Variants in RNLS observed in about 807,000 individuals in gnomAD.
The protein encoded by RNLS is renalase, FAD dependent amine oxidase, also known as renalase.
Under a neutral mutation model 39.8 loss-of-function variants are expected in RNLS, and 39 were observed. The observed-to-expected ratio is 0.98, with a 90% CI of 0.76 to 1.28. RNLS has a LOEUF of 1.28. RNLS is among the 50% of genes most tolerant of loss of function. The probability of loss-of-function intolerance (pLI) is 0.00; values close to 1 mark genes in which losing one functional copy is unlikely to be tolerated. For synonymous variants in RNLS, 147 were observed against 150.7 expected (o/e 0.98, Z 0.18); for missense variants, 410 against 413.3 (o/e 0.99, Z 0.07).
the RNLS span, among the ~76,000 whole-genome samples, chr10:88,226,198 A>G: frequency 6.6e-6 from 1 of 152,248 alleles, no homozygotes; most frequent in Non-Finnish European, 1.5e-5. Flanking sequence ...ATTCAGCCCA[A>G]TGTCAAAGAC....
intron 4 of RNLS, among the ~76,000 whole-genome samples, chr10:88,509,652 A>G (rs1845994019): frequency 1.3e-5 from 2 of 151,946 alleles, no homozygotes; most frequent in African/African-American, 4.8e-5. Context: ...AAAGATTAGG[A>G]GACAACTCAA....
At chr10:88,446,227 C>T in intron 4 of RNLS, among the ~76,000 whole-genome samples, 1 of 152,102 alleles carries the variant, frequency 6.6e-6, no homozygotes, top group Non-Finnish European at 1.5e-5. Context: ...GGCTACATAA[C>T]AAAATGAAGG....
At position 88,456,158 on chromosome 10, in the gene RNLS, G is replaced by A. The variant is rs1842617297; in HGVS notation, c.527-93433C>T. Reference sequence around the variant, plus strand: ...TTAGGAATGGTTATTTCCATGCAATGTCTCCCCATGCTGGGCACTAAAACT... The same window carrying A: ...TTAGGAATGGTTATTTCCATGCAATATCTCCCCATGCTGGGCACTAAAACT... On this transcript the variant is annotated intron_variant, in intron 4 of 6. Transcript: ENST00000331772. Among the ~76,000 whole-genome samples the A allele has an allele frequency of 2.0e-5, 3 of 152,098 alleles. No individual in the cohort carries two copies. In the South Asian group the frequency reaches 6.2e-4, roughly 31 times the overall value.
intron 4 of RNLS, among the ~76,000 whole-genome samples, chr10:88,536,323 T>C (rs1847754218): frequency 6.6e-6 from 1 of 152,190 alleles, no homozygotes; most frequent in Non-Finnish European, 1.5e-5. Context: ...CCGTCAATTC[T>C]CAGCCCACTT....
At chr10:88,332,861 A>G (rs1040397747) in intron 5 of RNLS, among the ~76,000 whole-genome samples, 3 of 152,150 alleles carry the variant, frequency 2.0e-5, no homozygotes, top group Non-Finnish European at 2.9e-5. Context: ...GGAAACTATG[A>G]TGTACCATTT....
chr10:88,246,013 G>A, the RNLS span, among the ~76,000 whole-genome samples: 1 of 152,156 alleles, frequency 6.6e-6, no homozygotes, highest in African/African-American at 2.4e-5. Flanking sequence ...CTTTGTTTTG[G>A]CTAGAATTGC....
At chr10:88,251,086 CA>C in the RNLS span, among the ~76,000 whole-genome samples, 1 of 152,146 alleles carries the variant, frequency 6.6e-6, no homozygotes, top group Non-Finnish European at 1.5e-5. Context: ...CTTGCATATT[CA>C]GAGGGAATAC....
intron 4 of RNLS, among the ~76,000 whole-genome samples, chr10:88,427,318 C>G (rs1024847818): frequency 4.6e-5 from 7 of 151,922 alleles, no homozygotes; most frequent in Admixed American, 3.3e-4. Flanking sequence ...AGGGGTAAGT[C>G]TATATTTCTT....
chr10:88,318,631 C>T (rs773471357), intron 5 of RNLS, among the ~76,000 whole-genome samples: 5 of 152,234 alleles, frequency 3.3e-5, no homozygotes, highest in Non-Finnish European at 5.9e-5. Context: ...AGACAAGCCA[C>T]AGAGTTGTCT....
chr10:88,405,706 A>G (rs1853221631), intron 4 of RNLS, among the ~76,000 whole-genome samples: 1 of 152,018 alleles, frequency 6.6e-6, no homozygotes, highest in African/African-American at 2.4e-5. Flanking sequence ...CAATGTTAGT[A>G]TTGAAATGTG....
intron 4 of RNLS, among the ~76,000 whole-genome samples, chr10:88,527,292 AC>A (rs1847163852): frequency 6.6e-6 from 1 of 152,134 alleles, no homozygotes; most frequent in South Asian, 2.1e-4. Flanking sequence ...TCTCTGAGAA[AC>A]TGGCCTGTTT....
chr10:88,451,896 G>A (rs10509546), intron 4 of RNLS, among the ~76,000 whole-genome samples: 11,150 of 152,274 alleles, frequency 0.073, 572 homozygotes, highest in Admixed American at 0.14. Flanking sequence ...TAGTACAGTA[G>A]AAAGAACTTG....
chr10:88,335,582 A>T (rs11202723), intron 5 of RNLS, among the ~76,000 whole-genome samples: 69,440 of 152,058 alleles, frequency 0.46, 16,417 homozygotes, highest in South Asian at 0.61. Context: ...AAATTTTATA[A>T]TCCTCACTTA....
chr10:88,351,211 T>C (rs1011815693), intron 5 of RNLS, among the ~76,000 whole-genome samples: 3 of 152,246 alleles, frequency 2.0e-5, no homozygotes, highest in African/African-American at 7.2e-5. Flanking sequence ...TTTCTTTTGC[T>C]GTGCAGAAGC....
intron 4 of RNLS, among the ~76,000 whole-genome samples, chr10:88,515,621 C>G (rs570003512): frequency 6.6e-6 from 1 of 152,196 alleles, no homozygotes; most frequent in East Asian, 1.9e-4. Context: ...TAATTAGCTA[C>G]TTCCCTGCTT....
intron 4 of RNLS, among the ~76,000 whole-genome samples, chr10:88,426,341 GTCA>G (rs1484097768): frequency 6.6e-5 from 10 of 152,044 alleles, no homozygotes; most frequent in Non-Finnish European, 1.3e-4. Context: ...CAAGGAGGGA[GTCA>G]TCATCATTTA....
the RNLS span, among the ~76,000 whole-genome samples, chr10:88,235,901 T>A: frequency 2.0e-5 from 3 of 151,956 alleles, no homozygotes; most frequent in African/African-American, 4.8e-5. Context: ...GTGCTATCGC[T>A]GCTTACTCTA....
intron 4 of RNLS, among the ~76,000 whole-genome samples, chr10:88,370,516 G>C (rs1850467607): frequency 6.6e-6 from 1 of 152,134 alleles, no homozygotes; most frequent in Admixed American, 6.6e-5. Context: ...GCTGAAGTTA[G>C]GAAGCCAATT....
chr10:88,483,981 TA>T (rs1219818998), intron 4 of RNLS, among the ~76,000 whole-genome samples: 5 of 152,106 alleles, frequency 3.3e-5, no homozygotes, highest in Non-Finnish European at 1.5e-5. Flanking sequence ...AACATAGTGT[TA>T]GTTATGTCTT....
Sources: allele counts gnomAD v4.1 joint callset (sites outside exome capture counted in the v4.1 genomes callset), GRCh38; gene constraint gnomAD v4.1.1; transcripts MANE v1.5; gene names NCBI Gene and HGNC (gene_info 2026-07-23, HGNC 2026-07-21).